SLIT3: variants seen among roughly 807,000 people sequenced by gnomAD.
SLIT3 encodes slit guidance ligand 3, also known as slit homolog 3 protein.
In SLIT3, 68 loss-of-function variants were observed where a neutral mutation model predicts 184.0. That is an observed-to-expected ratio of 0.37 (90% CI 0.30 to 0.45). The LOEUF is 0.45. SLIT3 is among the 20% of genes least tolerant of loss of function. SLIT3 has a pLI of 1.00. For missense variants in SLIT3, 1,707 were observed against 2,026.0 expected, an observed-to-expected ratio of 0.84 and a Z score of 3.02; for synonymous variants, 831 against 828.6, an observed-to-expected ratio of 1.00 and a Z score of -0.05.
chr5:169,105,487 C>T (rs940322249), intron 4 of SLIT3, among the ~76,000 whole-genome samples: 1 of 152,234 alleles, frequency 6.6e-6, no homozygotes, highest in African/African-American at 2.4e-5. Flanking sequence ...AGAACACACT[C>T]GTCCAAAGTC....
intron 3 of SLIT3, among the ~76,000 whole-genome samples, chr5:169,228,032 C>T (rs964882880): frequency 6.6e-6 from 1 of 152,126 alleles, no homozygotes; most frequent in African/African-American, 2.4e-5. Flanking sequence ...AACGGAAGGC[C>T]TGATGGCATG....
chr5:169,190,559 A>G (rs1228772833), intron 4 of SLIT3, among the ~76,000 whole-genome samples: 1 of 152,226 alleles, frequency 6.6e-6, no homozygotes. Flanking sequence ...TTTCATTACT[A>G]TTCAAAGCCT....
chr5:168,813,257 A>G (rs1010430982), intron 8 of SLIT3, among the ~76,000 whole-genome samples: 3 of 152,172 alleles, frequency 2.0e-5, no homozygotes, highest in African/African-American at 7.2e-5. Context: ...GAAAATTAAC[A>G]AGTGGAAGGT....
chr5:168,877,454 G>T (rs1394820265), intron 5 of SLIT3, among the ~76,000 whole-genome samples: 1 of 152,178 alleles, frequency 6.6e-6, no homozygotes, highest in African/African-American at 2.4e-5. Flanking sequence ...AGCCTTGCAG[G>T]ACAAGACCAG....
chr5:168,803,805 A>T (rs1756854376), intron 9 of SLIT3, among the ~76,000 whole-genome samples: 1 of 152,162 alleles, frequency 6.6e-6, no homozygotes, highest in Admixed American at 6.5e-5. Context: ...ATCCATAGGA[A>T]TCTGAAATGA....
At chr5:168,826,421 C>A (rs1309643217) in intron 6 of SLIT3, among the ~76,000 whole-genome samples, 1 of 152,212 alleles carries the variant, frequency 6.6e-6, no homozygotes, top group Non-Finnish European at 1.5e-5. Flanking sequence ...TTTGCCCACA[C>A]ACAGAGTACT....
chr5:169,137,355 G>A (rs1194335733), intron 4 of SLIT3, among the ~76,000 whole-genome samples: 1 of 151,334 alleles, frequency 6.6e-6, no homozygotes, highest in Non-Finnish European at 1.5e-5. Context: ...GAGAGAGAGA[G>A]AAACAGTTTG....
intron 4 of SLIT3, among the ~76,000 whole-genome samples, chr5:169,133,247 G>A (rs969300988): frequency 6.6e-6 from 1 of 152,102 alleles, no homozygotes; most frequent in African/African-American, 2.4e-5. Flanking sequence ...CTGTGGGCAC[G>A]GCCCAGGCAC....
At chr5:169,138,542 T>G (rs980499643) in intron 4 of SLIT3, among the ~76,000 whole-genome samples, 1 of 152,112 alleles carries the variant, frequency 6.6e-6, no homozygotes, top group African/African-American at 2.4e-5. Context: ...TCTGGGAAAG[T>G]GATCTAAGAC....
chr5:169,145,401 C>A (rs1285932546), intron 4 of SLIT3, among the ~76,000 whole-genome samples: 2 of 152,190 alleles, frequency 1.3e-5, no homozygotes, highest in Non-Finnish European at 2.9e-5. Flanking sequence ...CTAAGGTATA[C>A]ATGTGCAGAT....
intron 4 of SLIT3, among the ~76,000 whole-genome samples, chr5:169,162,302 G>T (rs932594953): frequency 6.6e-6 from 1 of 152,198 alleles, no homozygotes. Context: ...TAGGTTCAGC[G>T]ATTTGTTTTA....
At chr5:169,200,323 C>G (rs1296910715) in intron 3 of SLIT3, among the ~76,000 whole-genome samples, 1 of 152,206 alleles carries the variant, frequency 6.6e-6, no homozygotes, top group Non-Finnish European at 1.5e-5. Context: ...GGACTGCTTG[C>G]TTTAGTAATG....
intron 4 of SLIT3, among the ~76,000 whole-genome samples, chr5:169,097,681 G>A (rs947419923): frequency 9.2e-5 from 14 of 152,174 alleles, no homozygotes; most frequent in Admixed American, 4.6e-4. Context: ...AGAGGGGGCT[G>A]TTGGAGGAGG....
intron 4 of SLIT3, among the ~76,000 whole-genome samples, chr5:168,919,649 A>G (rs1761572295): frequency 6.6e-6 from 1 of 152,160 alleles, no homozygotes; most frequent in Non-Finnish European, 1.5e-5. Flanking sequence ...TTTTTTAAAA[A>G]AAAAACAAAG....
At chr5:168,793,805 G>T (rs894403105) in intron 10 of SLIT3, among the ~76,000 whole-genome samples, 4 of 152,120 alleles carry the variant, frequency 2.6e-5, no homozygotes, top group South Asian at 2.1e-4. Flanking sequence ...TGAATTGGGG[G>T]GGGGGATGCA....
intron 20 of SLIT3, among the ~76,000 whole-genome samples, chr5:168,739,198 A>G (rs530528180): frequency 1.3e-3 from 195 of 152,226 alleles, no homozygotes; most frequent in Non-Finnish European, 2.1e-3. Context: ...TGACCAACAC[A>G]TGATATTACA....
At chr5:168,959,554 T>C (rs1762939162) in intron 4 of SLIT3, among the ~76,000 whole-genome samples, 1 of 152,336 alleles carries the variant, frequency 6.6e-6, no homozygotes, top group Admixed American at 6.5e-5. Context: ...GTTCACATTA[T>C]GAGAAACCAC....
chr5:168,951,937 A>C (rs1762662125), intron 4 of SLIT3, among the ~76,000 whole-genome samples: 1 of 152,170 alleles, frequency 6.6e-6, no homozygotes, highest in African/African-American at 2.4e-5. Context: ...CCAGAGAAAC[A>C]AAGTGGGAAG....
Position 168,712,351 on chromosome 5 carries a change from G to A in SLIT3, c.2487C>T (p.Thr829=), listed in dbSNP as rs557486742. 6.2e-7 allele frequency: 1 copy of A among 1,614,114 alleles called. No individual in the cohort carries two copies. Among genetic ancestry groups the A allele is most frequent in the Non-Finnish European group, 8.5e-7 (1 of 1,179,948 alleles). Residue 829 remains threonine, a synonymous_variant, in exon 24 of 36, where the codon ACC becomes ACT. Coordinates refer to ENST00000519560, the MANE Select transcript of SLIT3 (RefSeq NM_003062.4). ...CGCTGGAAATGTCATTGCCATGGAGGGTTCTGAAGCAGAGGGCACAGGTCG... is the reference window on the plus strand; with the variant it reads ...CGCTGGAAATGTCATTGCCATGGAGAGTTCTGAAGCAGAGGGCACAGGTCG... ...FNGLRSLRVL[T]LHGNDISSVP...
Sources: gnomAD v4.1 joint callset for allele counts (sites outside exome capture counted in the v4.1 genomes callset) on GRCh38, gnomAD v4.1.1 for gene constraint, MANE v1.5 for transcripts, NCBI Gene and HGNC (gene_info 2026-07-23, HGNC 2026-07-21) for gene names.